The following CACNA2D3 variants were observed in gnomAD, a reference collection of about 807,000 sequenced individuals.
CACNA2D3 encodes the protein calcium voltage-gated channel auxiliary subunit alpha2delta 3, also known as voltage-dependent calcium channel subunit alpha-2/delta-3.
A neutral mutation model predicts 160.6 loss-of-function variants in CACNA2D3; 60 were observed. The ratio of observed to expected loss-of-function variants is 0.37; its 90% CI spans 0.30 to 0.46. CACNA2D3 has a LOEUF of 0.46. CACNA2D3 is among the 20% of genes least tolerant of loss of function. The pLI is 1.00. For missense variants in CACNA2D3, 1,205 were observed against 1,365.0 expected (o/e 0.88, Z 1.85); for synonymous variants, 558 against 492.9 (o/e 1.13, Z -1.75).
At chr3:54,319,640 A>G (rs1429054386) in intron 2 of CACNA2D3, among the ~76,000 whole-genome samples, 1 of 152,194 alleles carries the variant, frequency 6.6e-6, no homozygotes, top group African/African-American at 2.4e-5. Context: ...TTTGGGTCTC[A>G]GGACCCTTTA....
chr3:54,463,554 A>G (rs1302019429), intron 4 of CACNA2D3, among the ~76,000 whole-genome samples: 1 of 152,036 alleles, frequency 6.6e-6, no homozygotes, highest in Non-Finnish European at 1.5e-5. Flanking sequence ...CCTTTCTTCC[A>G]GTTGATCGCA....
intron 4 of CACNA2D3, among the ~76,000 whole-genome samples, chr3:54,419,270 T>C (rs1699802162): frequency 1.3e-5 from 2 of 152,198 alleles, no homozygotes; most frequent in Admixed American, 6.5e-5. Flanking sequence ...GTCACACTTA[T>C]ACCCTCCTGG....
chr3:54,547,699 A>G (rs1702087518), intron 5 of CACNA2D3, among the ~76,000 whole-genome samples: 4 of 105,344 alleles, frequency 3.8e-5, no homozygotes, highest in Admixed American at 3.2e-4. Context: ...TTTTTTTTTT[A>G]AGAGAGACAG....
chr3:54,366,201 G>C (rs577738837), intron 3 of CACNA2D3, among the ~76,000 whole-genome samples: 2 of 152,298 alleles, frequency 1.3e-5, no homozygotes, highest in South Asian at 4.1e-4. Context: ...TGGAGCAGGG[G>C]ATATTTGATT....
At chr3:54,170,067 A>G (rs1006413975) in intron 2 of CACNA2D3, among the ~76,000 whole-genome samples, 7 of 151,990 alleles carry the variant, frequency 4.6e-5, no homozygotes, top group Non-Finnish European at 1.0e-4. Flanking sequence ...GGGCATCTGT[A>G]ATCCCAGCTA....
intron 30 of CACNA2D3, among the ~76,000 whole-genome samples, chr3:54,987,365 G>A (rs1443788673): frequency 6.6e-6 from 1 of 152,154 alleles, no homozygotes; most frequent in Non-Finnish European, 1.5e-5. Flanking sequence ...GGGATTATGT[G>A]CATATTACTA....
At chr3:54,404,590 A>C (rs1358520282) in intron 4 of CACNA2D3, among the ~76,000 whole-genome samples, 1 of 152,166 alleles carries the variant, frequency 6.6e-6, no homozygotes, top group African/African-American at 2.4e-5. Context: ...GAATGCCCAC[A>C]CTTGCCACTA....
At chr3:54,587,751 CA>C (rs1240426558) in intron 9 of CACNA2D3, among the ~76,000 whole-genome samples, 1 of 151,984 alleles carries the variant, frequency 6.6e-6, no homozygotes, top group Non-Finnish European at 1.5e-5. Flanking sequence ...CGCAAACTTC[CA>C]AAATTCAACC....
chr3:54,363,397 G>A lies in CACNA2D3; in HGVS notation c.322-23318G>A, dbSNP rs1384555296. ...GCCACTGTCATCATATGGGGCCCCA[G>A]TTCCTTGCACTCTAGAGTGAGTATA... On this transcript the variant is annotated intron_variant, in intron 3 of 37. Coordinates refer to ENST00000474759, the MANE Select transcript of CACNA2D3 (RefSeq NM_018398.3). 2.0e-5 allele frequency among the ~76,000 whole-genome samples: 3 copies of A among 152,232 alleles called. No homozygotes were observed. The South Asian group carries it at 6.2e-4, about 32-fold the overall frequency.
At chr3:54,950,908 A>G in intron 27 of CACNA2D3, among the ~76,000 whole-genome samples, 1 of 152,192 alleles carries the variant, frequency 6.6e-6, no homozygotes, top group East Asian at 1.9e-4. Flanking sequence ...GGTGAGAGGG[A>G]AAATAAAGAG....
chr3:54,641,194 A>G (rs915305420), intron 10 of CACNA2D3, among the ~76,000 whole-genome samples: 2 of 152,234 alleles, frequency 1.3e-5, no homozygotes, highest in African/African-American at 2.4e-5. Context: ...TATACATTTA[A>G]GGGAGACTGA....
At chr3:54,951,478 G>C (rs551930221) in intron 27 of CACNA2D3, among the ~76,000 whole-genome samples, 2 of 152,198 alleles carry the variant, frequency 1.3e-5, no homozygotes, top group Admixed American at 6.5e-5. Flanking sequence ...GCAGTGGGGT[G>C]GGGGGCTGCT....
intron 11 of CACNA2D3, among the ~76,000 whole-genome samples, chr3:54,711,363 G>A (rs1462216344): frequency 8.5e-5 from 13 of 152,190 alleles, no homozygotes; most frequent in Admixed American, 8.5e-4. Flanking sequence ...CAGTTCTGGA[G>A]CTGGCTAATT....
At chr3:54,821,503 T>TTTC (rs1703590099) in intron 14 of CACNA2D3, among the ~76,000 whole-genome samples, 1 of 152,162 alleles carries the variant, frequency 6.6e-6, no homozygotes, top group African/African-American at 2.4e-5. Context: ...TGGTCTCTTT[T>TTTC]TCAGAATGGA....
intron 13 of CACNA2D3, among the ~76,000 whole-genome samples, chr3:54,793,901 T>A (rs567324988): frequency 6.6e-6 from 1 of 152,326 alleles, no homozygotes; most frequent in Admixed American, 6.5e-5. Flanking sequence ...TCATTTTCTT[T>A]TGTAGATATA....
intron 12 of CACNA2D3, among the ~76,000 whole-genome samples, chr3:54,761,646 T>C (rs1466562349): frequency 6.6e-6 from 1 of 152,214 alleles, no homozygotes; most frequent in Non-Finnish European, 1.5e-5. Context: ...ACATAGGCCC[T>C]GCTCCCAGGT....
intron 3 of CACNA2D3, among the ~76,000 whole-genome samples, chr3:54,363,094 C>T (rs564517587): frequency 6.6e-6 from 1 of 152,116 alleles, no homozygotes; most frequent in African/African-American, 2.4e-5. Flanking sequence ...ACTTGGGAGG[C>T]TGAGGCAGAG....
chr3:54,851,774 C>T (rs1699062788), intron 17 of CACNA2D3, among the ~76,000 whole-genome samples: 1 of 152,218 alleles, frequency 6.6e-6, no homozygotes, highest in Admixed American at 6.5e-5. Context: ...ATTATCCCAG[C>T]ATATCCAAAA....
At chr3:54,585,671 G>C (rs1233107521) in intron 9 of CACNA2D3, among the ~76,000 whole-genome samples, 1 of 152,178 alleles carries the variant, frequency 6.6e-6, no homozygotes, top group African/African-American at 2.4e-5. Context: ...GAGAGCATGT[G>C]CAGAGGAACT....
Sources: gnomAD v4.1 joint callset for allele counts (sites outside exome capture counted in the v4.1 genomes callset) on GRCh38, gnomAD v4.1.1 for gene constraint, MANE v1.5 for transcripts, NCBI Gene and HGNC (gene_info 2026-07-23, HGNC 2026-07-21) for gene names.